Variants in PIAS1 observed in about 807,000 individuals in gnomAD.
The protein encoded by PIAS1 is protein inhibitor of activated STAT 1.
In PIAS1, 6 loss-of-function variants were observed where a neutral mutation model predicts 71.3. The ratio of observed to expected loss-of-function variants is 0.08; its 90% CI spans 0.05 to 0.17. The LOEUF (loss-of-function observed/expected upper bound fraction) is 0.17. PIAS1 is among the 10% of genes least tolerant of loss of function. The pLI is 1.00. For missense variants in PIAS1, 555 were observed against 793.6 expected (o/e 0.70, Z 3.61); for synonymous variants, 303 against 292.9 (o/e 1.03, Z -0.35).
Position 68,086,754 on chromosome 15 carries a change from A to G in PIAS1, c.469+4A>G. 3 of 1,574,898 alleles carry G rather than the reference A, an allele frequency of 1.9e-6. No individual in the cohort carries two copies. The highest frequency in any genetic ancestry group is 1.1e-5 in the South Asian group (1 of 89,894). ...CTGATAAAACCCACCAGTCTAGGTAAGATTATTGTATGATAGTATTTGGTT... is the reference window on the plus strand; with the variant it reads ...CTGATAAAACCCACCAGTCTAGGTAGGATTATTGTATGATAGTATTTGGTT... On this transcript the variant is annotated splice_donor_region_variant and intron_variant, in intron 2 of 13. Coordinates refer to ENST00000249636, the MANE Select transcript of PIAS1 (RefSeq NM_016166.3). This position sits in a 1 kb window ranked among gnomAD's most constrained non-coding sequence, Gnocchi z 7.2.
chr15:68,075,352 C>T (rs1315513726), intron 1 of PIAS1, among the ~76,000 whole-genome samples: 1 of 152,056 alleles, frequency 6.6e-6, no homozygotes, highest in African/African-American at 2.4e-5. Context: ...TCCCAAAGTG[C>T]TGGGATTACA....
intron 6 of PIAS1, among the ~76,000 whole-genome samples, chr15:68,151,683 A>AACACACACACACACAC (rs754171390): frequency 2.3e-4 from 31 of 134,758 alleles, no homozygotes; most frequent in Non-Finnish European, 3.4e-4. Flanking sequence ...AAAAAAACAA[A>AACACACACACACACAC]ACACACACAC....
chr15:68,055,889 T>C, intron 1 of PIAS1: 1 of 701,230 alleles, frequency 1.4e-6, no homozygotes, highest in South Asian at 1.5e-5. Flanking sequence ...TCACAATGTT[T>C]ACACTCCAAG....
chr15:68,179,992 A>G (rs1313058727), intron 11 of PIAS1, among the ~76,000 whole-genome samples: 1 of 152,168 alleles, frequency 6.6e-6, no homozygotes, highest in Non-Finnish European at 1.5e-5. Context: ...TTTATTTTCT[A>G]TAACACATAC....
rs1250011757 is a variant in PIAS1 at position 68,185,731 on chromosome 15, A to C, written c.1663-1811A>C. Among the ~76,000 whole-genome samples, 35 of 152,118 alleles carry C rather than the reference A, an allele frequency of 2.3e-4. No homozygotes were observed. The highest frequency in any genetic ancestry group is 2.3e-3 in the Admixed American group (35 of 15,276). On this transcript the variant is annotated intron_variant, in intron 13 of 13. Coordinates refer to ENST00000249636, the MANE Select transcript of PIAS1 (RefSeq NM_016166.3). The surrounding 1 kb of genome is among the most constrained non-coding windows in gnomAD (Gnocchi z 4.4). ...ATAATCCCAGCACTTTGGGAGGCCAAAGCGGGTAGATCATGAGGTCAGGAG... is the reference window on the plus strand; with the variant it reads ...ATAATCCCAGCACTTTGGGAGGCCACAGCGGGTAGATCATGAGGTCAGGAG...
chr15:68,153,276 A>C lies in PIAS1; in HGVS notation c.829-314A>C, dbSNP rs150831420. Among the ~76,000 whole-genome samples the C allele has an allele frequency of 3.7e-3, 570 of 152,290 alleles. 8 individuals carry two copies. Among genetic ancestry groups the C allele is most frequent in the Non-Finnish European group, 3.2e-3 (218 of 68,010 alleles). On this transcript the variant is annotated intron_variant, in intron 6 of 13. Transcript: ENST00000249636. ...TGCCTTAAATTCATTAGCTTCAAGT[A>C]TAGGTAATATTAAATCCAAGACAGA...
intron 2 of PIAS1, among the ~76,000 whole-genome samples, chr15:68,087,510 A>G (rs2092294396): frequency 6.6e-6 from 1 of 152,224 alleles, no homozygotes; most frequent in Non-Finnish European, 1.5e-5. Flanking sequence ...TTGTTGGCAT[A>G]CTACGGCTGG....
At chr15:68,106,605 C>T (rs1439908110) in intron 2 of PIAS1, among the ~76,000 whole-genome samples, 1 of 151,428 alleles carries the variant, frequency 6.6e-6, no homozygotes, top group Non-Finnish European at 1.5e-5. Flanking sequence ...CCTTTGTCTG[C>T]CCCCTCCTTA....
Position 68,178,848 on chromosome 15 carries a change from T to C in PIAS1, c.1481+2194T>C, listed in dbSNP as rs184761984. On this transcript the variant is annotated intron_variant, in intron 11 of 13. Transcript: ENST00000249636. This position sits in a 1 kb window ranked among gnomAD's most constrained non-coding sequence, Gnocchi z 4.2. ...GTTTAGGAATCTAATATTTCTTCTTTGGATATTTACTTTGCTCTTTCTCCA... is the reference window on the plus strand; with the variant it reads ...GTTTAGGAATCTAATATTTCTTCTTCGGATATTTACTTTGCTCTTTCTCCA... Among the ~76,000 whole-genome samples the C allele has an allele frequency of 1.3e-5, 2 of 152,298 alleles. No individual in the cohort carries two copies. Among genetic ancestry groups the C allele is most frequent in the African/African-American group, 4.8e-5 (2 of 41,562 alleles).
At position 68,183,630 on chromosome 15, in the gene PIAS1, G is replaced by A; in HGVS notation, c.1625G>A (p.Gly542Glu). The change falls in exon 13 of 14, where the codon GGA becomes GAA. Residue 542 changes from glycine to glutamate, a missense_variant and splice_region_variant. By Grantham distance (98) the Gly-to-Glu change is moderately conservative (BLOSUM62 -2). Coordinates refer to ENST00000249636, the MANE Select transcript of PIAS1 (RefSeq NM_016166.3). ...ACTGAAATAATTTTTTCTTCCACAG[G>A]ATTAGATTTCTTTCCTTTCTTATCA... ...HMTPMPYDLQ[G>E]LDFFPFLSGD... 1 of 1,122,960 alleles carries A rather than the reference G, an allele frequency of 8.9e-7. No individual in the cohort carries two copies. The highest frequency in any genetic ancestry group is 1.3e-6 in the Non-Finnish European group (1 of 769,940). 69.6% of individuals were successfully genotyped at this position (1,122,960 alleles called of 1,614,324 possible). A position where few individuals can be genotyped will look rare whatever the true frequency, so the allele number is the denominator to read the frequency against.
At chr15:68,079,974 A>G (rs1208347377) in intron 1 of PIAS1, among the ~76,000 whole-genome samples, 4 of 152,084 alleles carry the variant, frequency 2.6e-5, no homozygotes, top group Admixed American at 2.6e-4. Context: ...CTAGGATTAC[A>G]GGCATGCACC....
chr15:68,149,326 CTTTTTTT>C lies in PIAS1; in HGVS notation c.828+2639_828+2645del, dbSNP rs562772014. On this transcript the variant is annotated intron_variant, in intron 6 of 13. Coordinates refer to ENST00000249636, the MANE Select transcript of PIAS1 (RefSeq NM_016166.3). ...GGCTGACATTGATTCTCCTGCATTA[CTTTTTTT>C]TTTTTTTTTTTTAAACATTCTTTCT... 4.7e-5 allele frequency among the ~76,000 whole-genome samples: 6 copies of C among 127,542 alleles called. No homozygotes were observed. In the East Asian group the frequency reaches 6.8e-4, roughly 15 times the overall value. The allele number at this position is 127,542 out of a possible 152,430, so 83.7% of individuals were successfully genotyped here.
At chr15:68,132,342 G>A (rs2092694051) in intron 2 of PIAS1, among the ~76,000 whole-genome samples, 1 of 152,050 alleles carries the variant, frequency 6.6e-6, no homozygotes, top group Non-Finnish European at 1.5e-5. Context: ...GGGCGTGGTG[G>A]CCCTCACCTG....
chr15:68,177,752 C>T (rs546213446), intron 11 of PIAS1, among the ~76,000 whole-genome samples: 2 of 152,334 alleles, frequency 1.3e-5, no homozygotes, highest in East Asian at 3.9e-4. Context: ...GCTGTTAGTC[C>T]TGTAGACACA....
intron 2 of PIAS1, among the ~76,000 whole-genome samples, chr15:68,113,150 A>G (rs1027940256): frequency 6.6e-6 from 1 of 152,170 alleles, no homozygotes. Flanking sequence ...AAGTGTATTC[A>G]ATGCAAATTT....
At chr15:68,091,208 A>G (rs921039952) in intron 2 of PIAS1, among the ~76,000 whole-genome samples, 1 of 152,206 alleles carries the variant, frequency 6.6e-6, no homozygotes, top group African/African-American at 2.4e-5. Context: ...GGATTAAAAT[A>G]TCTTGTCCAT....
chr15:68,058,409 T>C (rs1000495642), intron 1 of PIAS1, among the ~76,000 whole-genome samples: 1 of 152,328 alleles, frequency 6.6e-6, no homozygotes. Flanking sequence ...CTAAATCCTT[T>C]TTATAGATAG....
intron 2 of PIAS1, among the ~76,000 whole-genome samples, chr15:68,105,069 G>C (rs1171277521): frequency 6.6e-6 from 1 of 152,164 alleles, no homozygotes; most frequent in African/African-American, 2.4e-5. Flanking sequence ...ATTGAGAATT[G>C]TATTAAAGCT....
intron 2 of PIAS1, among the ~76,000 whole-genome samples, chr15:68,097,629 C>A (rs1423522362): frequency 2.0e-5 from 3 of 152,066 alleles, no homozygotes; most frequent in African/African-American, 7.2e-5. Context: ...TGCGGGGTTT[C>A]CCCACATTGG....
Sources: gnomAD v4.1 joint callset for allele counts (sites outside exome capture counted in the v4.1 genomes callset) on GRCh38, gnomAD v4.1.1 for gene constraint, Gnocchi (gnomAD v3.1) non-coding constraint, MANE v1.5 for transcripts, NCBI Gene and HGNC (gene_info 2026-07-23, HGNC 2026-07-21) for gene names.